The following ANO3 variants were observed in gnomAD, a reference collection of about 807,000 sequenced individuals.
ANO3 encodes the protein anoctamin 3, also known as anoctamin-3.
A neutral mutation model predicts 144.8 loss-of-function variants in ANO3; 99 were observed. The observed-to-expected ratio is 0.68, with a 90% CI of 0.58 to 0.81. The LOEUF is 0.81. Ranked by LOEUF, ANO3 falls within the 30% of genes least tolerant of loss-of-function variation. The pLI is 0.00. For synonymous variants in ANO3, 414 were observed against 392.6 expected, an observed-to-expected ratio of 1.05 and a Z score of -0.64; for missense variants, 905 against 1,202.2, an observed-to-expected ratio of 0.75 and a Z score of 3.66.
chr11:26,415,056 A>G (rs3061024), intron 1 of ANO3, among the ~76,000 whole-genome samples: 2,806 of 145,584 alleles, frequency 0.019, 54 homozygotes, highest in South Asian at 0.06. Context: ...ATTGGTGTGT[A>G]TGTGTGTGTG....
intron 13 of ANO3, among the ~76,000 whole-genome samples, chr11:26,554,785 G>A (rs1309087111): frequency 6.6e-6 from 1 of 152,014 alleles, no homozygotes; most frequent in East Asian, 1.9e-4. Flanking sequence ...CTACACCCTG[G>A]GAACTCTTCA....
chr11:26,268,357 T>C (rs1853360597), intron 1 of ANO3, among the ~76,000 whole-genome samples: 1 of 152,182 alleles, frequency 6.6e-6, no homozygotes, highest in Non-Finnish European at 1.5e-5. Context: ...TATCTCTCAA[T>C]GTGACTGTTG....
intron 11 of ANO3, among the ~76,000 whole-genome samples, chr11:26,544,246 T>TTATACACATATATATATATA (rs1554967671): frequency 2.0e-3 from 28 of 14,066 alleles, no homozygotes; most frequent in African/African-American, 3.9e-3. Flanking sequence ...TAGTATTTCA[T>TTATACACATATATATATATA]TATACATATA....
chr11:26,260,036 A>T (rs1334443273), intron 1 of ANO3, among the ~76,000 whole-genome samples: 1 of 148,444 alleles, frequency 6.7e-6, no homozygotes, highest in African/African-American at 2.5e-5. Flanking sequence ...GGGATTTAAA[A>T]TTTTAAAGTG....
intron 3 of ANO3, among the ~76,000 whole-genome samples, chr11:26,454,645 G>A (rs1441421228): frequency 2.0e-5 from 3 of 151,052 alleles, no homozygotes; most frequent in Non-Finnish European, 4.4e-5. Flanking sequence ...TTCTACCAGA[G>A]GTACAAGGAG....
At chr11:26,292,291 A>T (rs981928122) in intron 1 of ANO3, among the ~76,000 whole-genome samples, 1 of 152,074 alleles carries the variant, frequency 6.6e-6, no homozygotes, top group African/African-American at 2.4e-5. Context: ...TATGCTGTTT[A>T]TTCTAGTTAG....
At chr11:26,264,571 C>T (rs1311307559) in intron 1 of ANO3, among the ~76,000 whole-genome samples, 1 of 152,132 alleles carries the variant, frequency 6.6e-6, no homozygotes, top group East Asian at 1.9e-4. Flanking sequence ...TTTCTTATTG[C>T]ATTAGTCTGC....
intron 1 of ANO3, among the ~76,000 whole-genome samples, chr11:26,199,215 G>A (rs940446301): frequency 5.3e-5 from 8 of 151,804 alleles, no homozygotes; most frequent in African/African-American, 1.9e-4. Context: ...CTTGACCTCT[G>A]CTCTCAAGGT....
chr11:26,415,427 T>C (rs1857556408), intron 1 of ANO3, among the ~76,000 whole-genome samples: 1 of 152,058 alleles, frequency 6.6e-6, no homozygotes, highest in Non-Finnish European at 1.5e-5. Flanking sequence ...CTATAATTTA[T>C]ACAGTCAGTA....
chr11:26,623,962 A>T, intron 17 of ANO3, among the ~76,000 whole-genome samples: 1 of 151,702 alleles, frequency 6.6e-6, no homozygotes, highest in Non-Finnish European at 1.5e-5. Flanking sequence ...AATTTTTTGT[A>T]TTTTTAGTAG....
At chr11:26,582,272 G>A (rs959316229) in intron 14 of ANO3, among the ~76,000 whole-genome samples, 3 of 152,138 alleles carry the variant, frequency 2.0e-5, no homozygotes, top group Non-Finnish European at 4.4e-5. Flanking sequence ...ATTTTATAGT[G>A]ATCGGTGTTT....
At chr11:26,464,688 T>C (rs1041529039) in intron 4 of ANO3, among the ~76,000 whole-genome samples, 1 of 151,790 alleles carries the variant, frequency 6.6e-6, no homozygotes, top group East Asian at 1.9e-4. Context: ...GAGAATGGTG[T>C]ATGACTATGG....
At chr11:26,556,565 T>C (rs1346923100) in intron 13 of ANO3, among the ~76,000 whole-genome samples, 3 of 152,134 alleles carry the variant, frequency 2.0e-5, no homozygotes, top group South Asian at 2.1e-4. Flanking sequence ...TTAGAATCAA[T>C]TGGTCAAGGG....
chr11:26,210,345 A>G (rs950130286), intron 1 of ANO3, among the ~76,000 whole-genome samples: 5 of 152,074 alleles, frequency 3.3e-5, no homozygotes, highest in African/African-American at 1.2e-4. Flanking sequence ...TGGACTATGT[A>G]TCTGTGTTCA....
chr11:26,576,923 A>G (rs1330033079), intron 14 of ANO3, among the ~76,000 whole-genome samples: 1 of 152,188 alleles, frequency 6.6e-6, no homozygotes, highest in Non-Finnish European at 1.5e-5. Flanking sequence ...CAAAAAGTGA[A>G]TATACTATTC....
intron 1 of ANO3, among the ~76,000 whole-genome samples, chr11:26,384,517 A>G (rs1856672479): frequency 1.3e-5 from 2 of 152,154 alleles, no homozygotes; most frequent in Non-Finnish European, 2.9e-5. Context: ...TTCAAAGTTA[A>G]GATAATCCCC....
chr11:26,511,103 G>C (rs1861647327), intron 5 of ANO3, among the ~76,000 whole-genome samples: 1 of 152,154 alleles, frequency 6.6e-6, no homozygotes, highest in African/African-American at 2.4e-5. Context: ...TGATCAGGAG[G>C]TGTATTCAAC....
chr11:26,605,930 A>G (rs1851923290), intron 17 of ANO3, among the ~76,000 whole-genome samples: 1 of 149,360 alleles, frequency 6.7e-6, no homozygotes, highest in Admixed American at 6.7e-5. Flanking sequence ...TCATGTCTCT[A>G]CCTCCTTCTG....
At chr11:26,564,649 T>G (rs1850445144) in intron 14 of ANO3, among the ~76,000 whole-genome samples, 1 of 140,258 alleles carries the variant, frequency 7.1e-6, no homozygotes, top group South Asian at 2.3e-4. Flanking sequence ...ATTCATTACT[T>G]TGTTCAACTT....
Sources: gnomAD v4.1 joint callset for allele counts (sites outside exome capture counted in the v4.1 genomes callset) on GRCh38, gnomAD v4.1.1 for gene constraint, MANE v1.5 for transcripts, NCBI Gene and HGNC (gene_info 2026-07-23, HGNC 2026-07-21) for gene names.